Variants in TET1 observed in about 807,000 individuals in gnomAD.
TET1 encodes the protein methylcytosine dioxygenase TET1.
A neutral mutation model predicts 148.7 loss-of-function variants in TET1; 13 were observed. That is an observed-to-expected ratio of 0.09 (90% CI 0.06 to 0.14). TET1 has a LOEUF of 0.14. Ranked by LOEUF, TET1 falls within the 10% of genes least tolerant of loss-of-function variation. The probability of loss-of-function intolerance (pLI) is 1.00; values close to 1 mark genes in which losing one functional copy is unlikely to be tolerated. For missense variants in TET1, 2,182 were observed against 2,553.8 expected, an observed-to-expected ratio of 0.85 and a Z score of 3.14; for synonymous variants, 907 against 937.2, an observed-to-expected ratio of 0.97 and a Z score of 0.59.
At chr10:68,626,089 C>CAAAAAAAAAAA (rs768111191) in intron 3 of TET1, among the ~76,000 whole-genome samples, 12 of 34,414 alleles carry the variant, frequency 3.5e-4, no homozygotes, top group African/African-American at 9.3e-4. Context: ...GACCCTATCT[C>CAAAAAAAAAAA]AAAAAAAAGA....
At chr10:68,654,524 G>A (rs962806867) in intron 6 of TET1, among the ~76,000 whole-genome samples, 1 of 152,156 alleles carries the variant, frequency 6.6e-6, no homozygotes, top group African/African-American at 2.4e-5. Context: ...GGCTGAGGCA[G>A]GAGAATTGCT....
rs191633203 is a variant in TET1 at position 68,608,194 on chromosome 10, C to G, written c.1968+7160C>G. Among the ~76,000 whole-genome samples, 987 of 152,218 alleles carry G rather than the reference C, an allele frequency of 6.5e-3. 13 individuals are homozygous for G. Among genetic ancestry groups the G allele is most frequent in the Non-Finnish European group, 0.011 (766 of 68,008 alleles). On this transcript the variant is annotated intron_variant, in intron 3 of 11. Coordinates refer to ENST00000373644, the MANE Select transcript of TET1 (RefSeq NM_030625.3). ...CCACCCTCCTTGGCCTCCCAAAGTG[C>G]TGGGATTATAGGCATGAGCCACCGT...
Position 68,560,339 on chromosome 10 carries a change from T to G in TET1, c.-526T>G, listed in dbSNP as rs778807420. 2.6e-5 allele frequency among the ~76,000 whole-genome samples: 4 copies of G among 152,160 alleles called. No individual in the cohort carries two copies. The highest frequency in any genetic ancestry group is 5.9e-5 in the Non-Finnish European group (4 of 68,024). On this transcript the variant is annotated 5_prime_UTR_variant, in exon 1 of 12. Coordinates refer to ENST00000373644, the MANE Select transcript of TET1 (RefSeq NM_030625.3). ...AGCGAAGGCAGAGCCCCAGCTTCAC[T>G]CCCTGAGGTCTGTCCTGGGGAGACA...
intron 2 of TET1, among the ~76,000 whole-genome samples, chr10:68,588,893 A>AG (rs35599216): frequency 6.6e-6 from 1 of 151,400 alleles, no homozygotes. Context: ...AGGCTGAGGC[A>AG]GAAGGATCCC....
At chr10:68,565,212 C>T (rs1439200100) in intron 1 of TET1, among the ~76,000 whole-genome samples, 1 of 151,940 alleles carries the variant, frequency 6.6e-6, no homozygotes, top group African/African-American at 2.4e-5. Flanking sequence ...CATGGTGGCC[C>T]ACACCTGTAG....
At chr10:68,633,383 T>C (rs1278501759) in intron 3 of TET1, among the ~76,000 whole-genome samples, 2 of 151,320 alleles carry the variant, frequency 1.3e-5, no homozygotes, top group Non-Finnish European at 2.9e-5. Flanking sequence ...TTTTTTATTG[T>C]CTTGTTTTGT....
intron 3 of TET1, among the ~76,000 whole-genome samples, chr10:68,641,343 C>T (rs2054750715): frequency 6.6e-6 from 1 of 151,914 alleles, no homozygotes; most frequent in Non-Finnish European, 1.5e-5. Flanking sequence ...CACTTTGTTG[C>T]TCAGGCTGGA....
In TET1 at chr10:68,595,516, C is replaced by T. The variant is rs574482536; in HGVS notation, c.1915-5465C>T. Among the ~76,000 whole-genome samples, 89 of 149,866 alleles carry T rather than the reference C, an allele frequency of 5.9e-4. No homozygotes were observed. In the Middle Eastern group the frequency reaches 0.011, roughly 18 times the overall value. On this transcript the variant is annotated intron_variant, in intron 2 of 11. Coordinates refer to ENST00000373644, the MANE Select transcript of TET1 (RefSeq NM_030625.3). ...GTAGTTTGTACTTACAGTTTCTTATCAATCCAGAGGTGCATATACCCAGAA... is the reference window on the plus strand; with the variant it reads ...GTAGTTTGTACTTACAGTTTCTTATTAATCCAGAGGTGCATATACCCAGAA...
chr10:68,618,952 A>G (rs2054332378), intron 3 of TET1, among the ~76,000 whole-genome samples: 1 of 152,164 alleles, frequency 6.6e-6, no homozygotes, highest in South Asian at 2.1e-4. Context: ...GGGTGACAGA[A>G]TTAGACCCTG....
intron 3 of TET1, among the ~76,000 whole-genome samples, chr10:68,624,099 C>CTTTTTTTTT (rs773374173): frequency 4.7e-5 from 7 of 148,028 alleles, no homozygotes; most frequent in African/African-American, 4.9e-5. Context: ...TTCTTTCTTT[C>CTTTTTTTTT]TTTTCTTTTT....
chr10:68,684,742 T>A (rs566507116), intron 10 of TET1, among the ~76,000 whole-genome samples: 1 of 152,282 alleles, frequency 6.6e-6, no homozygotes, highest in African/African-American at 2.4e-5. Context: ...TCACCCTGTT[T>A]TACCATAATT....
intron 3 of TET1, among the ~76,000 whole-genome samples, chr10:68,633,863 G>C (rs2054613100): frequency 1.3e-5 from 2 of 152,190 alleles, no homozygotes; most frequent in Admixed American, 1.3e-4. Flanking sequence ...AGGGTTTGTA[G>C]TCCAAGGAAT....
chr10:68,632,541 A>G, intron 3 of TET1: 1 of 1,610,956 alleles, frequency 6.2e-7, no homozygotes, highest in South Asian at 1.1e-5. Context: ...GAATTAGAAG[A>G]TCATGTGATG....
chr10:68,608,630 G>A (rs1174485774), intron 3 of TET1, among the ~76,000 whole-genome samples: 6 of 152,164 alleles, frequency 3.9e-5, no homozygotes, highest in African/African-American at 1.4e-4. Flanking sequence ...CACCTCCGGG[G>A]TTCAAGTGAT....
At position 68,689,082 on chromosome 10, in the gene TET1, A is replaced by G. The variant is rs570310697; in HGVS notation, c.5405-1726A>G. Among the ~76,000 whole-genome samples, 8 of 152,298 alleles carry G rather than the reference A, an allele frequency of 5.3e-5. No individual in the cohort carries two copies. The South Asian group carries it at 1.7e-3, about 32-fold the overall frequency. On this transcript the variant is annotated intron_variant, in intron 11 of 11. Coordinates refer to ENST00000373644, the MANE Select transcript of TET1 (RefSeq NM_030625.3). ...ACTTGGGCCATAATGTCCTTTTGTA[A>G]TTCTACCCCTCAGTCATTTAGTCTT...
chr10:68,625,018 G>T (rs1051273511), intron 3 of TET1, among the ~76,000 whole-genome samples: 1 of 152,122 alleles, frequency 6.6e-6, no homozygotes, highest in Non-Finnish European at 1.5e-5. Context: ...ACAGGCGTGA[G>T]CCAGTGCGCC....
chr10:68,594,481 C>T (rs1213553971), intron 2 of TET1, among the ~76,000 whole-genome samples: 2 of 152,138 alleles, frequency 1.3e-5, no homozygotes, highest in Non-Finnish European at 2.9e-5. Flanking sequence ...TCCAGTAGAT[C>T]TGGCCCCTTG....
At chr10:68,688,717 C>T (rs1343266508) in intron 11 of TET1, among the ~76,000 whole-genome samples, 3 of 152,062 alleles carry the variant, frequency 2.0e-5, no homozygotes, top group South Asian at 2.1e-4. Flanking sequence ...GGATTACAGG[C>T]GTGAGCCACC....
intron 1 of TET1, among the ~76,000 whole-genome samples, chr10:68,570,770 C>T (rs921725741): frequency 2.6e-5 from 4 of 151,024 alleles, no homozygotes; most frequent in South Asian, 2.1e-4. Flanking sequence ...GCTGGGACTA[C>T]GGGCACCCGC....
Sources: allele counts gnomAD v4.1 joint callset (sites outside exome capture counted in the v4.1 genomes callset), GRCh38; gene constraint gnomAD v4.1.1; transcripts MANE v1.5; gene names NCBI Gene and HGNC (gene_info 2026-07-23, HGNC 2026-07-21).